The following ZNF423 variants were observed in gnomAD, a reference collection of about 807,000 sequenced individuals.
ZNF423 encodes Ebf-associated zinc finger protein.
ZNF423 carries 12 observed loss-of-function variants against 95.8 expected under a neutral mutation model. That is an observed-to-expected ratio of 0.13 (90% CI 0.08 to 0.20). ZNF423 has a LOEUF of 0.20. Ranked by LOEUF, ZNF423 falls within the 10% of genes least tolerant of loss-of-function variation. The pLI is 1.00. For synonymous variants in ZNF423, 749 were observed against 711.9 expected (o/e 1.05, Z -0.83); for missense variants, 1,316 against 1,737.1 (o/e 0.76, Z 4.31).
chr16:49,727,970 CA>C (rs1417946120), intron 3 of ZNF423, among the ~76,000 whole-genome samples: 1 of 152,158 alleles, frequency 6.6e-6, no homozygotes, highest in Non-Finnish European at 1.5e-5. Context: ...AATCAGAGGC[CA>C]ATTTTCAAAC....
intron 5 of ZNF423, among the ~76,000 whole-genome samples, chr16:49,550,521 C>T (rs920195089): frequency 6.6e-6 from 1 of 152,262 alleles, no homozygotes; most frequent in East Asian, 1.9e-4. Context: ...TGGCCAAGGC[C>T]ACACAAGTCT....
intron 3 of ZNF423, among the ~76,000 whole-genome samples, chr16:49,658,744 C>G (rs1407451720): frequency 6.6e-6 from 1 of 152,258 alleles, no homozygotes; most frequent in Non-Finnish European, 1.5e-5. Context: ...GGGCATTCCC[C>G]TGACTGGATT....
intron 2 of ZNF423, among the ~76,000 whole-genome samples, chr16:49,761,102 C>T (rs1414147475): frequency 1.3e-5 from 2 of 152,110 alleles, no homozygotes; most frequent in African/African-American, 4.8e-5. Flanking sequence ...CCCTTTGCCT[C>T]CCAAACACAG....
intron 2 of ZNF423, among the ~76,000 whole-genome samples, chr16:49,744,537 A>AGGGTGTCCCCAGCTCGGGGTTG (rs2033483015): frequency 6.9e-6 from 1 of 145,498 alleles, no homozygotes; most frequent in Non-Finnish European, 1.5e-5. Flanking sequence ...GTGGCCAGCC[A>AGGGTGTCCCCAGCTCGGGGTTG]GGGTGTCCCC....
chr16:49,655,920 G>A (rs915051186), intron 3 of ZNF423, among the ~76,000 whole-genome samples: 1 of 152,182 alleles, frequency 6.6e-6, no homozygotes, highest in East Asian at 1.9e-4. Context: ...AATGCTAAGT[G>A]GGTGCACGAG....
At chr16:49,529,110 C>T (rs1968742741) in intron 5 of ZNF423, among the ~76,000 whole-genome samples, 1 of 149,836 alleles carries the variant, frequency 6.7e-6, no homozygotes, top group South Asian at 2.1e-4. Flanking sequence ...CGCACAATTG[C>T]TTCCCTTCCT....
Position 49,711,253 on chromosome 16 carries a change from C to T in ZNF423, c.301+19518G>A, listed in dbSNP as rs773753437. The T allele has an allele frequency of 3.3e-5, 5 of 152,118 alleles. No homozygotes were observed. The East Asian group carries it at 5.8e-4, about 18-fold the overall frequency. 9.4% of individuals were successfully genotyped at this position (152,118 alleles called of 1,614,324 possible). A position where few individuals can be genotyped will look rare whatever the true frequency, so the allele number is the denominator to read the frequency against. On this transcript the variant is annotated intron_variant, in intron 3 of 7. Coordinates refer to ENST00000563137, the MANE Select transcript of ZNF423 (RefSeq NM_001379286.1). Reference sequence around the variant, plus strand: ...GGAAAAAAGTGTTCCTACAGGGAGACGTGTACAAGAATGTTTACTATAGTG... The same window carrying T: ...GGAAAAAAGTGTTCCTACAGGGAGATGTGTACAAGAATGTTTACTATAGTG...
chr16:49,677,308 G>GA (rs1555470606), intron 3 of ZNF423, among the ~76,000 whole-genome samples: 1 of 93,520 alleles, frequency 1.1e-5, no homozygotes, highest in African/African-American at 4.1e-5. Flanking sequence ...GAAGAGAAGA[G>GA]AAAGGAGGGG....
intron 2 of ZNF423, among the ~76,000 whole-genome samples, chr16:49,761,493 C>A (rs915754913): frequency 6.6e-6 from 1 of 152,204 alleles, no homozygotes; most frequent in African/African-American, 2.4e-5. Flanking sequence ...AGGAGAACGA[C>A]GCTGGTCCCA....
At chr16:49,701,704 A>G (rs2032189145) in intron 3 of ZNF423, among the ~76,000 whole-genome samples, 1 of 152,228 alleles carries the variant, frequency 6.6e-6, no homozygotes, top group Non-Finnish European at 1.5e-5. Flanking sequence ...TGGCCCCTAA[A>G]ATATCAAAGT....
At chr16:49,844,943 G>A (rs1328163832) in intron 1 of ZNF423, among the ~76,000 whole-genome samples, 1 of 138,648 alleles carries the variant, frequency 7.2e-6, no homozygotes, top group Non-Finnish European at 1.5e-5. Flanking sequence ...GCTGAGGCAG[G>A]AGAATCATTT....
At chr16:49,494,705 GGTGGT>G (rs1967090850) in intron 7 of ZNF423, among the ~76,000 whole-genome samples, 1 of 152,196 alleles carries the variant, frequency 6.6e-6, no homozygotes, top group South Asian at 2.1e-4. Context: ...AGGCAGAGGA[GGTGGT>G]GGGACCCCTG....
chr16:49,731,197 T>C, intron 2 of ZNF423: 1 of 563,302 alleles, frequency 1.8e-6, no homozygotes, highest in Non-Finnish European at 2.3e-6. Context: ...CTAGGGGGAT[T>C]TCCTGTCATC....
intron 2 of ZNF423, among the ~76,000 whole-genome samples, chr16:49,763,083 G>C (rs1217645728): frequency 6.6e-6 from 1 of 152,040 alleles, no homozygotes. Context: ...ACCCAGGCTA[G>C]TCTCAAACTC....
At chr16:49,813,492 C>A (rs914394652) in intron 1 of ZNF423, among the ~76,000 whole-genome samples, 4 of 152,222 alleles carry the variant, frequency 2.6e-5, no homozygotes, top group African/African-American at 9.6e-5. Context: ...CCTGCCCTCC[C>A]CTGGGCCATG....
At chr16:49,686,638 CCCAGGCTTCCTACCTG>C (rs1326506331) in intron 3 of ZNF423, among the ~76,000 whole-genome samples, 11 of 152,252 alleles carry the variant, frequency 7.2e-5, no homozygotes, top group South Asian at 2.1e-4. Context: ...TCCCACCACA[CCCAGGCTTCCTACCTG>C]CCAGGCTTCC....
chr16:49,844,467 G>A (rs987408808), intron 1 of ZNF423, among the ~76,000 whole-genome samples: 7 of 152,218 alleles, frequency 4.6e-5, no homozygotes, highest in African/African-American at 1.4e-4. Context: ...TCTCCCAGCC[G>A]GGTGTCCTGC....
At chr16:49,852,271 A>T (rs2035310234) in intron 1 of ZNF423, among the ~76,000 whole-genome samples, 1 of 152,176 alleles carries the variant, frequency 6.6e-6, no homozygotes, top group Non-Finnish European at 1.5e-5. Flanking sequence ...ACATAGCCTG[A>T]GCGCTAATTA....
intron 1 of ZNF423, among the ~76,000 whole-genome samples, chr16:49,825,969 CGGA>C (rs1213527965): frequency 1.3e-5 from 2 of 152,088 alleles, no homozygotes; most frequent in African/African-American, 4.8e-5. Context: ...CCATTACTTT[CGGA>C]GGCCAAGACA....
Sources: gnomAD v4.1 joint callset for allele counts (sites outside exome capture counted in the v4.1 genomes callset) on GRCh38, gnomAD v4.1.1 for gene constraint, MANE v1.5 for transcripts, NCBI Gene and HGNC (gene_info 2026-07-23, HGNC 2026-07-21) for gene names.